The following NUP35 variants were observed in gnomAD, a reference collection of about 807,000 sequenced individuals.
NUP35 encodes the protein nucleoporin NUP35.
NUP35 carries 25 observed loss-of-function variants against 41.5 expected under a neutral mutation model. That is an observed-to-expected ratio of 0.60 (90% CI 0.44 to 0.84). The LOEUF (loss-of-function observed/expected upper bound fraction) is 0.84, where lower values mean the gene tolerates loss of function less well. Ranked by LOEUF, NUP35 falls within the 40% of genes least tolerant of loss-of-function variation. The pLI is 0.00. For missense variants in NUP35, 396 were observed against 396.6 expected, an observed-to-expected ratio of 1.00 and a Z score of 0.01; for synonymous variants, 149 against 130.7, an observed-to-expected ratio of 1.14 and a Z score of -0.96.
intron 4 of NUP35, among the ~76,000 whole-genome samples, chr2:183,143,263 G>A (rs73040916): frequency 0.065 from 9,567 of 148,320 alleles, 1,032 homozygotes; most frequent in African/African-American, 0.22. Context: ...TTATTGTCTC[G>A]TCTCTTCTAG....
At chr2:183,133,107 T>C (rs1684752003) in intron 3 of NUP35, among the ~76,000 whole-genome samples, 1 of 152,184 alleles carries the variant, frequency 6.6e-6, no homozygotes, top group Non-Finnish European at 1.5e-5. Context: ...CTACTGGTAG[T>C]GGTAGGGATA....
rs1253253670 is a variant in NUP35, at chr2:183,130,316, C to CT, written c.212-101dup. Reference sequence around the variant, plus strand: ...TCAGCATATTAAAGTTTGAAAAGAACTAACAGACAAGATTTTAAGTCAGTA... The same window carrying CT: ...TCAGCATATTAAAGTTTGAAAAGAACTTAACAGACAAGATTTTAAGTCAGTA... On this transcript the variant is annotated intron_variant, in intron 2 of 8. Coordinates refer to ENST00000295119, the MANE Select transcript of NUP35 (RefSeq NM_138285.5). The CT allele has an allele frequency of 1.2e-5, 15 of 1,239,592 alleles. No individual in the cohort carries two copies. The Admixed American group carries it at 4.1e-4, about 34-fold the overall frequency. The allele number at this position is 1,239,592 out of a possible 1,614,324, so 76.8% of individuals were successfully genotyped here. A position where few individuals can be genotyped will look rare whatever the true frequency, so the allele number is the denominator to read the frequency against.
chr2:183,130,164 A>C (rs1170276323), intron 2 of NUP35, among the ~76,000 whole-genome samples: 1 of 152,318 alleles, frequency 6.6e-6, no homozygotes, highest in East Asian at 1.9e-4. Context: ...CCTTTTATTC[A>C]GAGTGCAGTC....
chr2:183,132,410 A>AAAT (rs1553529413), intron 3 of NUP35, among the ~76,000 whole-genome samples: 1 of 151,136 alleles, frequency 6.6e-6, no homozygotes, highest in African/African-American at 2.4e-5. Flanking sequence ...AAAAAAAAAA[A>AAAT]GGCTAGATGT....
chr2:183,127,174 A>G (rs1177639152), intron 1 of NUP35, among the ~76,000 whole-genome samples: 1 of 152,202 alleles, frequency 6.6e-6, no homozygotes, highest in Non-Finnish European at 1.5e-5. Context: ...TAAGGGAAAT[A>G]ATATCTACTC....
chr2:183,161,214 C>T lies in NUP35; in HGVS notation c.*83C>T. ...TCCTTCGGTTAGTTATATAACTGTT[C>T]CTGCAGTATTGGATAGCTATCTCAT... is the stretch of plus-strand genomic sequence containing the variant. On this transcript the variant is annotated 3_prime_UTR_variant, in exon 9 of 9. Transcript: ENST00000295119. 1.1e-6 allele frequency: 1 copy of T among 918,034 alleles called. No homozygotes were observed. The highest frequency in any genetic ancestry group is 1.7e-5 in the South Asian group (1 of 59,636). 56.9% of individuals were successfully genotyped at this position (918,034 alleles called of 1,614,324 possible).
intron 4 of NUP35, among the ~76,000 whole-genome samples, chr2:183,148,612 T>G (rs1338553300): frequency 8.0e-6 from 1 of 124,508 alleles, no homozygotes; most frequent in Non-Finnish European, 2.1e-5. Context: ...AAATGTCTAT[T>G]CATGTTCTTT....
At chr2:183,124,537 CAT>C (rs1176467313) in intron 1 of NUP35, 40 bp downstream of exon 1, 2 of 1,612,822 alleles carry the variant, frequency 1.2e-6, no homozygotes, top group Non-Finnish European at 1.7e-6. Flanking sequence ...CACTGCCATC[CAT>C]GCTCTGGGCC....
At chr2:183,129,470 ATTAT>A (rs890278620) in intron 2 of NUP35, among the ~76,000 whole-genome samples, 6 of 152,310 alleles carry the variant, frequency 3.9e-5, no homozygotes, top group African/African-American at 1.4e-4. Context: ...AAAATGGTTT[ATTAT>A]TTAGGATTTA....
chr2:183,123,953 C>A, upstream of NUP35: 1 of 398,068 alleles, frequency 2.5e-6, no homozygotes. Context: ...GTCTACATAA[C>A]ACAAAATTTA....
At chr2:183,145,002 CTA>C (rs1231069482) in intron 4 of NUP35, among the ~76,000 whole-genome samples, 1 of 152,164 alleles carries the variant, frequency 6.6e-6, no homozygotes, top group Non-Finnish European at 1.5e-5. Context: ...TGTAGCATAA[CTA>C]AATTTTATCT....
chr2:183,161,239 T>G lies in NUP35; in HGVS notation c.*108T>G. The G allele has an allele frequency of 1.5e-6, 1 of 665,576 alleles. No individual in the cohort carries two copies. Among genetic ancestry groups the G allele is most frequent in the East Asian group, 2.8e-5 (1 of 35,808 alleles). 41.2% of individuals were successfully genotyped at this position (665,576 alleles called of 1,614,324 possible). ...CCTGCAGTATTGGATAGCTATCTCATACTTCTTTTAGAAAGAAGCCTTTTT... is the reference window on the plus strand; with the variant it reads ...CCTGCAGTATTGGATAGCTATCTCAGACTTCTTTTAGAAAGAAGCCTTTTT... On this transcript the variant is annotated 3_prime_UTR_variant, in exon 9 of 9. Coordinates refer to ENST00000295119, the MANE Select transcript of NUP35 (RefSeq NM_138285.5).
chr2:183,128,250 A>G (rs556551385), intron 1 of NUP35, 37 bp from the exon 2 acceptor site: 2 of 1,481,154 alleles, frequency 1.4e-6, no homozygotes, highest in Admixed American at 4.2e-5. Context: ...AGAAACTGTA[A>G]CAGAAAAGTC....
In NUP35 at chr2:183,128,288, A is replaced by G; in HGVS notation, c.42A>G (p.Gly14=). The change falls in exon 2 of 9, where the codon GGA becomes GGG. Residue 14 remains glycine, a splice_region_variant and synonymous_variant. Coordinates refer to ENST00000295119, the MANE Select transcript of NUP35 (RefSeq NM_138285.5). ...FAVEPQGPAL[G]SEPMMLGSPT... ...TAATTTATTTTTTGATTCATGTAGG[A>G]TCTGAACCAATGATGCTGGGTTCAC... The G allele has an allele frequency of 6.2e-7, 1 of 1,608,148 alleles. No homozygotes were observed. Among genetic ancestry groups the G allele is most frequent in the South Asian group, 1.1e-5 (1 of 90,008 alleles).
intron 5 of NUP35, among the ~76,000 whole-genome samples, chr2:183,151,950 CTGTT>C (rs563002519): frequency 4.1e-4 from 63 of 152,164 alleles, no homozygotes; most frequent in African/African-American, 1.5e-3. Flanking sequence ...AATCATTTGT[CTGTT>C]TATTTCTTCC....
intron 2 of NUP35, among the ~76,000 whole-genome samples, chr2:183,129,207 T>A (rs1031261455): frequency 4.9e-5 from 7 of 141,436 alleles, no homozygotes; most frequent in South Asian, 2.2e-4. Flanking sequence ...ATAGCGTGTT[T>A]AAGGAAACTT....
intron 4 of NUP35, among the ~76,000 whole-genome samples, chr2:183,139,390 T>C (rs1469922860): frequency 1.3e-5 from 2 of 152,074 alleles, no homozygotes; most frequent in Admixed American, 1.3e-4. Flanking sequence ...TGTAAATGTT[T>C]GTTGACTGAA....
intron 4 of NUP35, 75 bp from the exon 5 acceptor site, chr2:183,151,433 A>T: frequency 7.0e-7 from 1 of 1,428,720 alleles, no homozygotes; most frequent in Non-Finnish European, 9.6e-7. Context: ...TTTATCATTT[A>T]AAACTAAGAT....
intron 7 of NUP35, 69 bp downstream of exon 7, chr2:183,158,480 T>TG (rs1255016896): frequency 1.5e-5 from 21 of 1,382,984 alleles, no homozygotes; most frequent in South Asian, 8.2e-5. Flanking sequence ...GGATTGAAAT[T>TG]GGTCGTTGTG....
Sources: allele counts gnomAD v4.1 joint callset (sites outside exome capture counted in the v4.1 genomes callset), GRCh38; gene constraint gnomAD v4.1.1; transcripts MANE v1.5; gene names NCBI Gene and HGNC (gene_info 2026-07-23, HGNC 2026-07-21).